Variants in RXRA observed in about 807,000 individuals in gnomAD.
RXRA encodes the protein retinoic acid receptor RXR-alpha.
RXRA carries 5 observed loss-of-function variants against 44.5 expected under a neutral mutation model. That is an observed-to-expected ratio of 0.11 (90% CI 0.06 to 0.24). RXRA has a LOEUF of 0.24. RXRA is among the 10% of genes least tolerant of loss of function. The probability of loss-of-function intolerance (pLI) is 1.00; values close to 1 mark genes in which losing one functional copy is unlikely to be tolerated. For missense variants in RXRA, 412 were observed against 646.5 expected (o/e 0.64, Z 3.93); for synonymous variants, 291 against 271.4 (o/e 1.07, Z -0.71).
chr9:134,341,353 G>A (rs150537372), intron 1 of RXRA, among the ~76,000 whole-genome samples: 4 of 152,150 alleles, frequency 2.6e-5, no homozygotes, highest in Admixed American at 1.3e-4. Flanking sequence ...GGGTTCTGGC[G>A]TGTGGTTGGA....
At chr9:134,404,313 G>C (rs1005602274) in intron 2 of RXRA, 2 of 152,628 alleles carry the variant, frequency 1.3e-5, no homozygotes, top group Non-Finnish European at 2.9e-5. Context: ...ATAGGAGTCT[G>C]GGGGGGCTTG....
At chr9:134,341,993 C>G (rs1301206940) in intron 1 of RXRA, among the ~76,000 whole-genome samples, 1 of 152,150 alleles carries the variant, frequency 6.6e-6, no homozygotes, top group African/African-American at 2.4e-5. Context: ...GTCTGTGAAG[C>G]CCAACCCTGG....
intron 1 of RXRA, among the ~76,000 whole-genome samples, chr9:134,345,669 T>C (rs1451322974): frequency 6.6e-6 from 1 of 152,284 alleles, no homozygotes; most frequent in Non-Finnish European, 1.5e-5. Flanking sequence ...TTGTGAAACC[T>C]GGAACCGAAA....
intron 1 of RXRA, among the ~76,000 whole-genome samples, chr9:134,360,543 G>C (rs1365199776): frequency 6.6e-6 from 1 of 152,274 alleles, no homozygotes; most frequent in Non-Finnish European, 1.5e-5. Flanking sequence ...CGCCGTGCCA[G>C]CGCCCCTTCC....
At position 134,436,843 on chromosome 9, in the gene RXRA, G is replaced by T. The variant is rs1362745207; in HGVS notation, c.*229G>T. On this transcript the variant is annotated 3_prime_UTR_variant, in exon 10 of 10. Coordinates refer to ENST00000481739, the MANE Select transcript of RXRA (RefSeq NM_002957.6). ...CTTTCCTGAGGCAGCAGCCTTCGTG[G>T]CAAGAACTAGCGTGAGCCCAGCCAG... 1.6e-5 allele frequency: 9 copies of T among 554,468 alleles called. No homozygotes were observed. The East Asian group carries it at 2.5e-4, about 16-fold the overall frequency. The allele number at this position is 554,468 out of a possible 1,614,324, so 34.3% of individuals were successfully genotyped here.
chr9:134,390,419 G>T (rs1388921260), intron 1 of RXRA, among the ~76,000 whole-genome samples: 1 of 152,248 alleles, frequency 6.6e-6, no homozygotes, highest in Admixed American at 6.5e-5. Flanking sequence ...CCCAGTCTGG[G>T]ACAGTGGGTG....
intron 1 of RXRA, among the ~76,000 whole-genome samples, chr9:134,362,532 A>T (rs1830364843): frequency 6.6e-6 from 1 of 152,234 alleles, no homozygotes; most frequent in Non-Finnish European, 1.5e-5. Flanking sequence ...CCTCGTGGTC[A>T]CAGCATGGTG....
At chr9:134,347,550 C>T (rs1830168496) in intron 1 of RXRA, among the ~76,000 whole-genome samples, 1 of 152,212 alleles carries the variant, frequency 6.6e-6, no homozygotes, top group Admixed American at 6.5e-5. Flanking sequence ...TCCGGAGGAG[C>T]ACAAGGCTGG....
intron 1 of RXRA, among the ~76,000 whole-genome samples, chr9:134,339,308 T>C (rs1447927076): frequency 6.6e-6 from 1 of 152,232 alleles, no homozygotes; most frequent in East Asian, 1.9e-4. Context: ...CCCTCCTCTG[T>C]CTGCGTGTGA....
chr9:134,425,795 G>A (rs764593188), intron 6 of RXRA: 239 of 985,298 alleles, frequency 2.4e-4, no homozygotes, highest in Non-Finnish European at 2.8e-4. Flanking sequence ...AGCCCCATGG[G>A]GACAGCAGCC....
intron 1 of RXRA, among the ~76,000 whole-genome samples, chr9:134,352,213 A>G (rs1830230130): frequency 6.6e-6 from 1 of 152,060 alleles, no homozygotes; most frequent in Non-Finnish European, 1.5e-5. Context: ...AGATGAGGAA[A>G]GGGGCAGACT....
chr9:134,356,827 C>T (rs1830289536), intron 1 of RXRA, among the ~76,000 whole-genome samples: 1 of 152,170 alleles, frequency 6.6e-6, no homozygotes, highest in African/African-American at 2.4e-5. Context: ...GGCCCCTGCC[C>T]TGCCCCAGCC....
At chr9:134,326,990 C>CGGGAG (rs1834924858) in intron 1 of RXRA, among the ~76,000 whole-genome samples, 1 of 151,566 alleles carries the variant, frequency 6.6e-6, no homozygotes, top group Non-Finnish European at 1.5e-5. Flanking sequence ...GCACAGGAAC[C>CGGGAG]CGGCCGGAGC....
At chr9:134,403,304 C>T (rs1830993850) in intron 2 of RXRA, 1 of 152,300 alleles carries the variant, frequency 6.6e-6, no homozygotes, top group South Asian at 2.1e-4. Context: ...AGAACTGGGG[C>T]CTCTGCTCCG....
rs1363503389 is a variant in RXRA at position 134,424,109 on chromosome 9, G to C, written c.910+2304G>C. 6.1e-6 allele frequency: 6 copies of C among 980,776 alleles called. No individual in the cohort carries two copies. The African/African-American group carries it at 1.0e-4, about 17-fold the overall frequency. The allele number at this position is 980,776 out of a possible 1,614,324, so 60.8% of individuals were successfully genotyped here. ...TTCGTGGTGGAGTGCGGTGCTGAGG[G>C]CCTGCGTGGGGTGGTCGTGGTGGAG... On this transcript the variant is annotated intron_variant, in intron 6 of 9. Transcript: ENST00000481739.
intron 6 of RXRA, chr9:134,423,828 C>G: frequency 1.0e-6 from 1 of 985,476 alleles, no homozygotes; most frequent in Non-Finnish European, 1.2e-6. Context: ...CCCCAGTGGT[C>G]CTTGGAGAGA....
chr9:134,328,700 G>A (rs529274258), intron 1 of RXRA, among the ~76,000 whole-genome samples: 77 of 152,362 alleles, frequency 5.1e-4, no homozygotes, highest in Middle Eastern at 6.8e-3. Context: ...CCTCCTCGGG[G>A]TGAGTGGTGG....
rs1830191369 is a variant in RXRA, at chr9:134,349,211, C to G, written c.28+22552C>G. 6.6e-6 allele frequency among the ~76,000 whole-genome samples: 1 copy of G among 152,176 alleles called. No individual in the cohort carries two copies. Among genetic ancestry groups the G allele is most frequent in the Non-Finnish European group, 1.5e-5 (1 of 68,028 alleles). On this transcript the variant is annotated intron_variant, in intron 1 of 9. Coordinates refer to ENST00000481739, the MANE Select transcript of RXRA (RefSeq NM_002957.6). This position sits in a 1 kb window ranked among gnomAD's most constrained non-coding sequence, Gnocchi z 4.3. ...AAGGGTCTGGCTGGGCCTGCAGACC[C>G]CAACTCCCTGCACCAGCCTGGCCCC...
At chr9:134,432,886 G>T (rs555706157) in intron 8 of RXRA, among the ~76,000 whole-genome samples, 1 of 152,288 alleles carries the variant, frequency 6.6e-6, no homozygotes, top group East Asian at 1.9e-4. Context: ...GTTTTTTCTT[G>T]GGGCCACAGG....
Sources: allele counts gnomAD v4.1 joint callset (sites outside exome capture counted in the v4.1 genomes callset), GRCh38; gene constraint gnomAD v4.1.1; non-coding constraint Gnocchi (gnomAD v3.1); transcripts MANE v1.5; gene names NCBI Gene and HGNC (gene_info 2026-07-23, HGNC 2026-07-21).